The following CFAP92 variants were observed in gnomAD, a reference collection of about 807,000 sequenced individuals.
The protein encoded by CFAP92 is uncharacterized protein CFAP92.
Under a neutral mutation model 106.3 loss-of-function variants are expected in CFAP92, and 86 were observed. That is an observed-to-expected ratio of 0.81 (90% CI 0.68 to 0.97). The LOEUF is 0.97. Among genes scored for constraint, CFAP92 ranks in the 50% least tolerant of loss-of-function variants. The pLI, the probability that CFAP92 is intolerant of heterozygous loss-of-function variation, is 0.00. For missense variants in CFAP92, 1,204 were observed against 1,283.8 expected (o/e 0.94, Z 0.95); for synonymous variants, 477 against 506.4 (o/e 0.94, Z 0.78).
In CFAP92 at chr3:128,993,245, G is replaced by A; in HGVS notation, c.60C>T (p.Ser20=). Residue 20 remains serine (S), a synonymous_variant, in exon 2 of 16, where the codon TCC becomes TCT. Transcript: ENST00000645291. ...EDPASIEPIS[S]ITSFYQSTSE... is the part of the protein sequence containing the mutation. ...TCGTGGACTGGTAAAAGCTAGTGAT[G>A]GAGGAGATGGGCTCTATGCTTGCGG... is the stretch of plus-strand genomic sequence containing the variant. The A allele has an allele frequency of 6.2e-7, 1 of 1,613,988 alleles. No individual in the cohort carries two copies. Among genetic ancestry groups the A allele is most frequent in the African/African-American group, 1.3e-5 (1 of 75,062 alleles).
intron 15 of CFAP92, among the ~76,000 whole-genome samples, chr3:128,911,610 G>A (rs537657522): frequency 1.3e-5 from 2 of 151,764 alleles, no homozygotes; most frequent in African/African-American, 4.8e-5. Flanking sequence ...GCTAATATTT[G>A]TATTTTTAGT....
At chr3:129,003,415 T>C, upstream of CFAP92, 1 of 436,316 alleles carries the variant, frequency 2.3e-6, no homozygotes, top group Non-Finnish European at 3.0e-6. Context: ...GAAATGCCAC[T>C]GGGGGGAGTC....
At chr3:128,978,753 T>C (rs111922962) in intron 4 of CFAP92, among the ~76,000 whole-genome samples, 8 of 152,232 alleles carry the variant, frequency 5.3e-5, no homozygotes, top group African/African-American at 1.9e-4. Flanking sequence ...GCTAGCCATA[T>C]GTAGAAAGCT....
intron 10 of CFAP92, among the ~76,000 whole-genome samples, chr3:128,943,544 T>C (rs910434512): frequency 3.3e-5 from 5 of 152,136 alleles, no homozygotes; most frequent in Non-Finnish European, 5.9e-5. Context: ...TTTCTTTTTT[T>C]TTTTTCTTGA....
At chr3:128,946,731 C>T (rs142939217) in intron 9 of CFAP92, among the ~76,000 whole-genome samples, 1 of 152,246 alleles carries the variant, frequency 6.6e-6, no homozygotes, top group East Asian at 1.9e-4. Context: ...CACTTTCAAC[C>T]TAGGCCTCAA....
chr3:128,942,771 T>C (rs1166281692), intron 10 of CFAP92, among the ~76,000 whole-genome samples: 1 of 151,874 alleles, frequency 6.6e-6, no homozygotes, highest in Non-Finnish European at 1.5e-5. Flanking sequence ...GCCCACGGGT[T>C]CAAGCAATTC....
intron 10 of CFAP92, among the ~76,000 whole-genome samples, chr3:128,939,038 G>T (rs747068620): frequency 6.6e-6 from 1 of 152,140 alleles, no homozygotes; most frequent in Non-Finnish European, 1.5e-5. Context: ...GTTGCCAGGG[G>T]TTAAGGATGT....
intron 8 of CFAP92, chr3:128,968,166 C>T (rs1042479901): frequency 1.3e-5 from 2 of 152,208 alleles, no homozygotes; most frequent in African/African-American, 4.8e-5. Context: ...AGAGTTCTGA[C>T]GCAATCATCC....
In CFAP92 at chr3:128,915,519, G is replaced by A; in HGVS notation, c.2961C>T (p.Ala987=). 3.3e-6 allele frequency: 5 copies of A among 1,534,954 alleles called. No individual in the cohort carries two copies. The highest frequency in any genetic ancestry group is 4.4e-6 in the Non-Finnish European group (5 of 1,146,494). Residue 987 remains alanine (A), a synonymous_variant, in exon 14 of 16, where the codon GCC becomes GCT. Coordinates refer to ENST00000645291, the MANE Select transcript of CFAP92 (RefSeq NM_001394090.1). ...CCTTCAAGTCCAGGGGCTCCACCAT[G>A]GCTGAGAGGTAATCCTGTGAGTACG... ...RFTYSQDYLS[A]MVEPLDLKEE...
At chr3:128,982,440 T>A (rs1576619704) in intron 4 of CFAP92, among the ~76,000 whole-genome samples, 1 of 152,246 alleles carries the variant, frequency 6.6e-6, no homozygotes, top group African/African-American at 2.4e-5. Flanking sequence ...GTGGCTGGTG[T>A]GATCTTCTAT....
upstream of CFAP92, chr3:128,994,104 G>T: frequency 1.0e-6 from 1 of 985,760 alleles, no homozygotes; most frequent in Non-Finnish European, 1.2e-6. Context: ...GTGCAGGGAG[G>T]GCCGCAGGCC....
intron 9 of CFAP92, among the ~76,000 whole-genome samples, chr3:128,956,595 A>AG (rs1040950691): frequency 1.3e-5 from 2 of 151,096 alleles, no homozygotes; most frequent in South Asian, 2.1e-4. Context: ...CCTTACTTAT[A>AG]GGGAAAAAAA....
At chr3:128,951,481 G>T (rs1430584141) in intron 9 of CFAP92, among the ~76,000 whole-genome samples, 1 of 151,970 alleles carries the variant, frequency 6.6e-6, no homozygotes, top group African/African-American at 2.4e-5. Flanking sequence ...ACTAAGTACA[G>T]CTTTAAAACT....
chr3:128,979,511 G>C (rs1447643372), intron 4 of CFAP92, among the ~76,000 whole-genome samples: 1 of 152,162 alleles, frequency 6.6e-6, no homozygotes, highest in Non-Finnish European at 1.5e-5. Flanking sequence ...GTTTATTGCA[G>C]CACTATTCAC....
At chr3:128,972,673 T>C (rs188756507) in intron 7 of CFAP92, among the ~76,000 whole-genome samples, 1 of 151,522 alleles carries the variant, frequency 6.6e-6, no homozygotes, top group Non-Finnish European at 1.5e-5. Context: ...CTGGCCAACA[T>C]GGTGAAACCC....
chr3:128,992,927 C>G (rs1351812604), intron 2 of CFAP92, 116 bp downstream of exon 2: 8 of 1,289,520 alleles, frequency 6.2e-6, no homozygotes, highest in Non-Finnish European at 8.8e-6. Context: ...CTGGCCAGCC[C>G]GCTTTGGGGT....
intron 4 of CFAP92, among the ~76,000 whole-genome samples, chr3:128,987,017 C>T (rs184108268): frequency 2.8e-4 from 43 of 152,254 alleles, no homozygotes; most frequent in Admixed American, 2.4e-3. Context: ...AAAAATTAGC[C>T]GGGCGTGGTG....
rs139191377 is a variant in CFAP92, at chr3:128,935,011, G to A, written c.2453+114C>T. ...GATGGTCCTCCTCCCCCCACCATCT[G>A]TTGGGGCCACTATCTAGTTGTTGGA... On this transcript the variant is annotated intron_variant, in intron 11 of 15. Transcript: ENST00000645291. The A allele has an allele frequency of 5.0e-3, 3,847 of 768,380 alleles. 15 individuals are homozygous for A. Among genetic ancestry groups the A allele is most frequent in the Non-Finnish European group, 6.7e-3 (3,340 of 500,900 alleles). 47.6% of individuals were successfully genotyped at this position (768,380 alleles called of 1,614,324 possible). A position where few individuals can be genotyped will look rare whatever the true frequency, so the allele number is the denominator to read the frequency against.
At chr3:128,910,529 G>C (rs1312312350) in intron 15 of CFAP92, among the ~76,000 whole-genome samples, 196 bp from the exon 16 acceptor site, 1 of 152,202 alleles carries the variant, frequency 6.6e-6, no homozygotes, top group East Asian at 1.9e-4. Flanking sequence ...CTGCCTTTCA[G>C]AGGAAACAGG....
Sources: allele counts gnomAD v4.1 joint callset (sites outside exome capture counted in the v4.1 genomes callset), GRCh38; gene constraint gnomAD v4.1.1; transcripts MANE v1.5; gene names NCBI Gene and HGNC (gene_info 2026-07-23, HGNC 2026-07-21).